A1CF: variants seen among roughly 807,000 people sequenced by gnomAD.
A1CF encodes APOBEC-1 stimulating protein.
A1CF carries 48 observed loss-of-function variants against 68.9 expected under a neutral mutation model. The observed-to-expected ratio is 0.70, with a 90% CI of 0.55 to 0.89. The LOEUF is 0.89. Among genes scored for constraint, A1CF ranks in the 40% least tolerant of loss-of-function variants. The pLI is 0.00. For missense variants in A1CF, 653 were observed against 718.9 expected (o/e 0.91, Z 1.05); for synonymous variants, 272 against 260.4 (o/e 1.04, Z -0.43).
chr10:50,879,217 T>C (rs1841660767), intron 1 of A1CF, among the ~76,000 whole-genome samples: 1 of 152,176 alleles, frequency 6.6e-6, no homozygotes, highest in Non-Finnish European at 1.5e-5. Context: ...ATTAGGTCAG[T>C]TTAAATATGG....
At chr10:50,832,812 G>C (rs1426529560) in intron 6 of A1CF, among the ~76,000 whole-genome samples, 3 of 151,602 alleles carry the variant, frequency 2.0e-5, no homozygotes, top group Non-Finnish European at 4.4e-5. Flanking sequence ...CTGTTTTTGT[G>C]TATGTATAGT....
intron 6 of A1CF, among the ~76,000 whole-genome samples, chr10:50,828,900 A>C (rs573371936): frequency 5.0e-4 from 76 of 152,280 alleles, no homozygotes; most frequent in African/African-American, 1.8e-3. Flanking sequence ...ACATGAATAA[A>C]TTGGGAATCT....
chr10:50,840,983 T>C (rs140172612), intron 5 of A1CF, among the ~76,000 whole-genome samples: 5 of 152,326 alleles, frequency 3.3e-5, no homozygotes, highest in African/African-American at 1.2e-4. Flanking sequence ...TTTCTTATCT[T>C]GTCCACCATG....
Position 50,802,873 on chromosome 10 carries a change from A to C in A1CF, c.*3856T>G, listed in dbSNP as rs954966285. ...GAATTATAAAACGGTCATTTAGAAT[A>C]TAACAAAAATTAATAAAAATGGAAC... On this transcript the variant is annotated 3_prime_UTR_variant, in exon 13 of 13. Coordinates refer to ENST00000373997, the MANE Select transcript of A1CF (RefSeq NM_014576.4). 3 of 152,246 alleles carry C rather than the reference A, an allele frequency of 2.0e-5. No homozygotes were observed. Among genetic ancestry groups the C allele is most frequent in the African/African-American group, 4.8e-5 (2 of 41,468 alleles). The allele number at this position is 152,246 out of a possible 1,614,324, so 9.4% of individuals were successfully genotyped here.
At chr10:50,880,084 C>T (rs559890563) in intron 1 of A1CF, among the ~76,000 whole-genome samples, 8 of 152,326 alleles carry the variant, frequency 5.3e-5, no homozygotes, top group Non-Finnish European at 8.8e-5. Flanking sequence ...TCAGGTTCTG[C>T]TCTTGGGTTC....
chr10:50,824,559 G>A (rs531767156), intron 7 of A1CF: 2 of 152,248 alleles, frequency 1.3e-5, no homozygotes, highest in Admixed American at 1.3e-4. Flanking sequence ...CACTCCAAGA[G>A]TAGTCTGTCA....
Position 50,802,607 on chromosome 10 carries a change from A to C in A1CF, c.*4122T>G. The C allele has an allele frequency of 6.6e-6, 1 of 152,222 alleles. No individual in the cohort carries two copies. Among genetic ancestry groups the C allele is most frequent in the East Asian group, 1.9e-4 (1 of 5,206 alleles). 9.4% of individuals were successfully genotyped at this position (152,222 alleles called of 1,614,324 possible). ...GGAACTTTTATATGAATGCAAGAAG[A>C]GAATAATCATGACTTTATGTGAATA... On this transcript the variant is annotated 3_prime_UTR_variant, in exon 13 of 13. Coordinates refer to ENST00000373997, the MANE Select transcript of A1CF (RefSeq NM_014576.4).
At position 50,818,608 on chromosome 10, in the gene A1CF, C is replaced by G. The variant is rs372694406; in HGVS notation, c.867+1944G>C. Among the ~76,000 whole-genome samples the G allele has an allele frequency of 3.9e-4, 59 of 152,222 alleles. 1 individual carries two copies. The South Asian group carries it at 0.011, about 27-fold the overall frequency. On this transcript the variant is annotated intron_variant, in intron 8 of 12. Transcript: ENST00000373997. The stretch of plus-strand genomic sequence containing the variant: ...ATGTTTCCATATAGAGAAAATCTAA[C>G]TTACAAATTGTTTTCCAAGTAATAA...
In A1CF at chr10:50,844,050, T is replaced by C; in HGVS notation, c.172A>G (p.Ile58Val). 6.2e-7 allele frequency: 1 copy of C among 1,613,862 alleles called. No homozygotes were observed. The change falls in exon 4 of 13, where the codon ATT becomes GTT. Residue 58 changes from isoleucine to valine, a missense_variant. Physicochemically the swap from Ile to Val is conservative, Grantham distance 29. Coordinates refer to ENST00000373997, the MANE Select transcript of A1CF (RefSeq NM_014576.4). Reference protein sequence around the residue: ...DAAPPERGCEIFIGKLPRDLF... With the variant: ...DAAPPERGCEVFIGKLPRDLF... ...TCTCGGGGAAGTTTTCCAATAAAAA[T>C]TTCACAGCCCCTTTCAGGGGGTGCA... is the stretch of plus-strand genomic sequence containing the variant.
rs1383750211 is a variant in A1CF at position 50,805,074 on chromosome 10, T to C, written c.*1655A>G. 6.6e-6 allele frequency: 1 copy of C among 152,246 alleles called. No individual in the cohort carries two copies. Among genetic ancestry groups the C allele is most frequent in the Non-Finnish European group, 1.5e-5 (1 of 68,044 alleles). 9.4% of individuals were successfully genotyped at this position (152,246 alleles called of 1,614,324 possible). A position where few individuals can be genotyped will look rare whatever the true frequency, so the allele number is the denominator to read the frequency against. On this transcript the variant is annotated 3_prime_UTR_variant, in exon 13 of 13. Transcript: ENST00000373997. ...AGCTGTAGCCTTGGAGGCTTTGTTA[T>C]CTCATTGGAGTTAGGACAACTGAAA...
chr10:50,822,915 C>A (rs975789711), intron 7 of A1CF: 3 of 152,088 alleles, frequency 2.0e-5, no homozygotes, highest in African/African-American at 7.2e-5. Flanking sequence ...GAGAACAGGA[C>A]CCTCTTCAGA....
intron 2 of A1CF, 52 bp from the exon 3 acceptor site, chr10:50,860,037 C>T (rs1457228973): frequency 1.1e-6 from 1 of 923,090 alleles, no homozygotes; most frequent in African/African-American, 1.6e-5. Context: ...CAAGTCCAAA[C>T]TTCTCCTTTT....
intron 10 of A1CF, among the ~76,000 whole-genome samples, chr10:50,811,803 G>C (rs1224413779): frequency 6.6e-6 from 1 of 152,008 alleles, no homozygotes; most frequent in African/African-American, 2.4e-5. Context: ...GCATCCTCCT[G>C]CATGTTTTTT....
In A1CF at chr10:50,816,263, G is replaced by C; in HGVS notation, c.884C>G (p.Pro295Arg). The change falls in exon 9 of 13, where the codon CCC becomes CGC. Residue 295 changes from proline (P) to arginine (R), a missense_variant. Transcript: ENST00000373997. ...ALNGKVLDGS[P>R]IEVTLAKPVD... ...TGGTTTTGCTAGGGTGACTTCAATG[G>C]GGGAACCATCCAGCACCTGTTGTAG... 6.2e-7 allele frequency: 1 copy of C among 1,613,350 alleles called. No homozygotes were observed. The highest frequency in any genetic ancestry group is 8.5e-7 in the Non-Finnish European group (1 of 1,179,642).
Position 50,809,960 on chromosome 10 carries a change from C to T in A1CF, c.1543G>A (p.Gly515Ser), listed in dbSNP as rs759630281. 3.7e-6 allele frequency: 6 copies of T among 1,613,966 alleles called. No homozygotes were observed. The highest frequency in any genetic ancestry group is 5.1e-6 in the Non-Finnish European group (6 of 1,179,910). Residue 515 changes from glycine (G) to serine (S), a missense_variant, in exon 12 of 13, where the codon GGC (glycine) becomes AGC (serine). By Grantham distance (56) the Gly-to-Ser change is moderately conservative. Transcript: ENST00000373997. ...CCATCGCCTCCATCAGTGGGGATGC[C>T]CAGGGTCTGCAGGGTGTATTCGGCT... is the stretch of plus-strand genomic sequence containing the variant. ...YAAEYTLQTL[G>S]IPTDGGDGTM...
intron 2 of A1CF, 58 bp downstream of exon 2, chr10:50,863,975 C>G (rs1228730393): frequency 6.6e-6 from 1 of 152,076 alleles, no homozygotes; most frequent in Non-Finnish European, 1.5e-5. Flanking sequence ...CATATACCCT[C>G]AGAATATGTA....
intron 5 of A1CF, 88 bp from the exon 6 acceptor site, chr10:50,836,400 A>G (rs957163316): frequency 4.2e-6 from 6 of 1,420,336 alleles, no homozygotes; most frequent in Non-Finnish European, 5.7e-6. Flanking sequence ...TGTTGCCTGA[A>G]GATGTGGGAT....
At chr10:50,853,235 A>G (rs912196754) in intron 3 of A1CF, among the ~76,000 whole-genome samples, 3 of 152,154 alleles carry the variant, frequency 2.0e-5, no homozygotes, top group African/African-American at 7.2e-5. Flanking sequence ...CTTTGAAAGT[A>G]AGACACATTA....
intron 7 of A1CF, among the ~76,000 whole-genome samples, chr10:50,825,571 T>C (rs17500084): frequency 0.011 from 1,707 of 152,264 alleles, 17 homozygotes; most frequent in Non-Finnish European, 0.018. Flanking sequence ...CACCAAAAGA[T>C]TGTAGAATTA....
Sources: gnomAD v4.1 joint callset for allele counts (sites outside exome capture counted in the v4.1 genomes callset) on GRCh38, gnomAD v4.1.1 for gene constraint, MANE v1.5 for transcripts, NCBI Gene and HGNC (gene_info 2026-07-23, HGNC 2026-07-21) for gene names.